Variants in NOBOX observed in about 807,000 individuals in gnomAD.
The protein encoded by NOBOX is homeobox protein NOBOX.
NOBOX carries 46 observed loss-of-function variants against 60.2 expected under a neutral mutation model. That is an observed-to-expected ratio of 0.76 (90% CI 0.60 to 0.98). The LOEUF (loss-of-function observed/expected upper bound fraction) is 0.98. Among genes scored for constraint, NOBOX ranks in the 50% least tolerant of loss-of-function variants. The probability of loss-of-function intolerance (pLI) is 0.00; values close to 1 mark genes in which losing one functional copy is unlikely to be tolerated. For synonymous variants in NOBOX, 360 were observed against 346.3 expected (o/e 1.04, Z -0.44); for missense variants, 880 against 865.5 (o/e 1.02, Z -0.21).
chr7:144,408,417 T>G (rs771251142), intron 1 of NOBOX, among the ~76,000 whole-genome samples: 8 of 152,122 alleles, frequency 5.3e-5, no homozygotes, highest in Non-Finnish European at 1.2e-4. Context: ...CTGAACTGAT[T>G]AGCGTTTTGT....
chr7:144,401,359 C>A lies in NOBOX; in HGVS notation c.531G>T (p.Arg177Ser), dbSNP rs778272937. The A allele has an allele frequency of 6.2e-7, 1 of 1,613,708 alleles. No individual in the cohort carries two copies. Among genetic ancestry groups the A allele is most frequent in the Non-Finnish European group, 8.5e-7 (1 of 1,179,826 alleles). ...AACAATCTTCCCCCTGAGTCTGGGG[C>A]CTGGAGCGGGCTAGAGTTCTGTCTT... The change falls in exon 4 of 10, where the codon AGG becomes AGT. Residue 177 changes from arginine (R) to serine (S), a missense_variant. Transcript: ENST00000467773. The surrounding 1 kb of genome is among the most constrained non-coding windows in gnomAD (Gnocchi z 4.2).
intron 9 of NOBOX, 87 bp downstream of exon 7, chr7:144,398,195 T>G: frequency 8.3e-7 from 1 of 1,209,220 alleles, no homozygotes; most frequent in Non-Finnish European, 1.2e-6. Context: ...ATGACCTGCC[T>G]CAGTCTACCC....
At position 144,397,247 on chromosome 7, in the gene NOBOX, A is replaced by G; in HGVS notation, c.2069T>C (p.Val690Ala). 6.5e-7 allele frequency: 1 copy of G among 1,528,274 alleles called. No individual in the cohort carries two copies. The highest frequency in any genetic ancestry group is 8.8e-7 in the Non-Finnish European group (1 of 1,139,990). The allele number at this position is 1,528,274 out of a possible 1,614,324, so 94.7% of individuals were successfully genotyped here. A position where few individuals can be genotyped will look rare whatever the true frequency, so the allele number is the denominator to read the frequency against. The change falls in exon 10 of 10, where the codon GTC becomes GCC. Residue 690 changes from valine (V) to alanine (A), a missense_variant. Physicochemically the swap from Val to Ala is moderately conservative, Grantham distance 64. Transcript: ENST00000467773. Reference sequence around the variant, plus strand: ...CACTCTTTGACCCCCCAACTAGGGGACATGGCTATTCTTGTCATCCCCTCT... The same window carrying G: ...CACTCTTTGACCCCCCAACTAGGGGGCATGGCTATTCTTGTCATCCCCTCT...
chr7:144,405,515 G>A (rs2053979328), intron 1 of NOBOX, among the ~76,000 whole-genome samples: 1 of 152,174 alleles, frequency 6.6e-6, no homozygotes, highest in Non-Finnish European at 1.5e-5. Flanking sequence ...TAGGATGGAA[G>A]CTTCTTGGAG....
At chr7:144,406,840 G>A (rs903612886) in intron 1 of NOBOX, among the ~76,000 whole-genome samples, 3 of 152,284 alleles carry the variant, frequency 2.0e-5, no homozygotes, top group Middle Eastern at 3.4e-3. Flanking sequence ...GCAAAGAGAC[G>A]GCTCAATTAT....
At position 144,401,223 on chromosome 7, in the gene NOBOX, G is replaced by A. The variant is rs2053936007; in HGVS notation, c.667C>T (p.Pro223Ser). Residue 223 changes from proline (P) to serine (S), a missense_variant, in exon 4 of 10, where the codon CCT becomes TCT. By Grantham distance (74) the Pro-to-Ser change is moderately conservative. Transcript: ENST00000467773. This position sits in a 1 kb window ranked among gnomAD's most constrained non-coding sequence, Gnocchi z 4.2. ...TTGTGTGTGGCACGGGCTGAGTTAG[G>A]GGCACCCGGAGATGATGTTGGGGCC... 1 of 1,613,512 alleles carries A rather than the reference G, an allele frequency of 6.2e-7. No homozygotes were observed. The highest frequency in any genetic ancestry group is 8.5e-7 in the Non-Finnish European group (1 of 1,179,754).
chr7:144,403,775 G>GC, intron 2 of NOBOX, 82 bp from the exon 1 acceptor site: 2 of 524,362 alleles, frequency 3.8e-6, no homozygotes, highest in Non-Finnish European at 6.4e-6. Flanking sequence ...CAGGTGTGCA[G>GC]CCCGCACGGG....
At chr7:144,406,204 A>C (rs1340252527) in intron 1 of NOBOX, among the ~76,000 whole-genome samples, 2 of 152,216 alleles carry the variant, frequency 1.3e-5, no homozygotes, top group Non-Finnish European at 2.9e-5. Flanking sequence ...CCACAAACTG[A>C]AAGATACAGG....
chr7:144,399,508 T>C, intron 6 of NOBOX, 26 bp from the exon 5 acceptor site: 1 of 1,534,548 alleles, frequency 6.5e-7, no homozygotes, highest in African/African-American at 1.4e-5. Flanking sequence ...ATGAAGACTG[T>C]AGCTTTGGTG....
In NOBOX at chr7:144,398,326, GCACCTGGGCAATAGCCCTGCGATGTGC is replaced by G. The variant is rs1433718691; in HGVS notation, c.1703_1729del (p.Gly568_Gly576del). ...TTGCATCAGGATCTGTCCTGAGGAG[GCACCTGGGCAATAGCCCTGCGATGTGC>G]CCCCGCTGGGGCCACAGGGAAACAT... On this transcript the variant is annotated inframe_deletion, in exon 9 of 10. Transcript: ENST00000467773. 6.5e-7 allele frequency: 1 copy of G among 1,537,298 alleles called. No individual in the cohort carries two copies. Among genetic ancestry groups the G allele is most frequent in the East Asian group, 2.4e-5 (1 of 40,912 alleles).
chr7:144,401,310 T>C lies in NOBOX; in HGVS notation c.580A>G (p.Ile194Val). The C allele has an allele frequency of 1.2e-6, 2 of 1,613,634 alleles. No individual in the cohort carries two copies. Among genetic ancestry groups the C allele is most frequent in the Non-Finnish European group, 1.7e-6 (2 of 1,179,752 alleles). The stretch of plus-strand genomic sequence containing the variant: ...GCTGGAGAATAGGACCTCTTTCCTA[T>C]CTTCACCTCTCCCACTGGGAGGGAA... Residue 194 changes from isoleucine (I) to valine (V), a missense_variant, in exon 4 of 10, where the codon ATA (isoleucine) becomes GTA (valine). Physicochemically the swap from Ile to Val is conservative, Grantham distance 29. Transcript: ENST00000467773. The surrounding 1 kb of genome is among the most constrained non-coding windows in gnomAD (Gnocchi z 4.2).
At position 144,401,262 on chromosome 7, in the gene NOBOX, T is replaced by C. The variant is rs372071820; in HGVS notation, c.628A>G (p.Asn210Asp). The C allele has an allele frequency of 5.0e-5, 80 of 1,613,450 alleles. No homozygotes were observed. The highest frequency in any genetic ancestry group is 1.6e-4 in the Middle Eastern group (1 of 6,084). Residue 210 changes from asparagine to aspartate, a missense_variant, in exon 4 of 10, where the codon AAT becomes GAT. By Grantham distance (23) the Asn-to-Asp change is conservative (BLOSUM62 1). Transcript: ENST00000467773. This position sits in a 1 kb window ranked among gnomAD's most constrained non-coding sequence, Gnocchi z 4.2. The stretch of plus-strand genomic sequence containing the variant: ...GATGTTGGGGCCAGACCCATGGCAT[T>C]AGGCTTTTTCTGCTTCCCGGGGGCT...
chr7:144,398,645 C>A (rs1024229837), intron 8 of NOBOX, 59 bp from the exon 7 acceptor site: 1 of 1,255,300 alleles, frequency 8.0e-7, no homozygotes, highest in Non-Finnish European at 1.1e-6. Context: ...CCCGTTCCTA[C>A]CACAGTAGCG....
At chr7:144,410,078 ACT>A in intron 1 of NOBOX, 3 of 1,057,834 alleles carry the variant, frequency 2.8e-6, no homozygotes, top group Non-Finnish European at 4.3e-6. Context: ...TGGGAAGACA[ACT>A]CTGTCTTCTG....
chr7:144,399,210 G>A (rs750639167), intron 7 of NOBOX, 32 bp from the exon 6 acceptor site: 27 of 1,152,054 alleles, frequency 2.3e-5, no homozygotes, highest in South Asian at 1.5e-4. Context: ...GTGCTATAAC[G>A]GTAAGGAAAT....
At chr7:144,404,773 C>T (rs1441376415) in intron 1 of NOBOX, 7 of 1,387,742 alleles carry the variant, frequency 5.0e-6, no homozygotes, top group Non-Finnish European at 6.0e-6. Flanking sequence ...GGGGAGATCT[C>T]ACAGGGGTGC....
chr7:144,403,642 G>T lies in NOBOX; in HGVS notation c.210+914C>A. ...AAAGCCTGACCCCCTCGCACGACGG[G>T]GTCTCCACACTCACCCAGCGGTCCC... On this transcript the variant is annotated intron_variant, in intron 2 of 9. Coordinates refer to ENST00000467773, the MANE Select transcript of NOBOX (RefSeq NM_001080413.3). 1.4e-6 allele frequency: 1 copy of T among 700,324 alleles called. No individual in the cohort carries two copies. Among genetic ancestry groups the T allele is most frequent in the Admixed American group, 2.0e-5 (1 of 49,910 alleles). 43.4% of individuals were successfully genotyped at this position (700,324 alleles called of 1,614,324 possible).
intron 4 of NOBOX, among the ~76,000 whole-genome samples, chr7:144,400,757 C>T (rs1426892738): frequency 1.3e-5 from 2 of 152,154 alleles, no homozygotes; most frequent in Non-Finnish European, 2.9e-5. Context: ...AGGCTGGTCT[C>T]AAACTCCTGA....
chr7:144,399,511 C>T (rs1188071530), intron 6 of NOBOX, 29 bp from the exon 5 acceptor site: 1 of 1,526,314 alleles, frequency 6.6e-7, no homozygotes, highest in Non-Finnish European at 8.9e-7. Flanking sequence ...AAGACTGTAG[C>T]TTTGGTGGTC....
Sources: gnomAD v4.1 joint callset for allele counts (sites outside exome capture counted in the v4.1 genomes callset) on GRCh38, gnomAD v4.1.1 for gene constraint, Gnocchi (gnomAD v3.1) non-coding constraint, MANE v1.5 for transcripts, NCBI Gene and HGNC (gene_info 2026-07-23, HGNC 2026-07-21) for gene names.